GIGYF2: variants seen among roughly 807,000 people sequenced by gnomAD.
The protein encoded by GIGYF2 is GRB10 interacting GYF protein 2.
Under a neutral mutation model 208.1 loss-of-function variants are expected in GIGYF2, and 25 were observed. The ratio of observed to expected loss-of-function variants is 0.12; its 90% CI spans 0.09 to 0.17. The LOEUF (loss-of-function observed/expected upper bound fraction) is 0.17. Ranked by LOEUF, GIGYF2 falls within the 10% of genes least tolerant of loss-of-function variation. The probability of loss-of-function intolerance (pLI) is 1.00; values close to 1 mark genes in which losing one functional copy is unlikely to be tolerated. For synonymous variants in GIGYF2, 534 were observed against 543.8 expected (o/e 0.98, Z 0.25); for missense variants, 1,302 against 1,579.4 (o/e 0.82, Z 2.98).
chr2:232,706,312 T>C (rs1696106897), intron 2 of GIGYF2, among the ~76,000 whole-genome samples: 1 of 152,148 alleles, frequency 6.6e-6, no homozygotes, highest in Non-Finnish European at 1.5e-5. Flanking sequence ...ATGCAGAGCT[T>C]TGTGAGGTTT....
chr2:232,741,256 A>G (rs1465611190), intron 3 of GIGYF2, among the ~76,000 whole-genome samples: 1 of 152,088 alleles, frequency 6.6e-6, no homozygotes, highest in Non-Finnish European at 1.5e-5. Context: ...ATCTTTGATA[A>G]TTCCTTTTAC....
In GIGYF2 at chr2:232,811,255, C is replaced by A. The variant is rs74560358; in HGVS notation, c.1910C>A (p.Ala637Glu). The A allele has an allele frequency of 1.9e-6, 3 of 1,598,208 alleles. No individual in the cohort carries two copies. Among genetic ancestry groups the A allele is most frequent in the Non-Finnish European group, 2.6e-6 (3 of 1,165,696 alleles). ...YQQFLIQQQY[A>E]QVLAQQQKAA... ...TTTACTTTTTGAAGACAACAATATGCACAGGTTTTGGCCCAACAGCAGAAA... is the reference window on the plus strand; with the variant it reads ...TTTACTTTTTGAAGACAACAATATGAACAGGTTTTGGCCCAACAGCAGAAA... The change falls in exon 17 of 29, where the codon GCA (alanine) becomes GAA (glutamate). Residue 637 changes from alanine to glutamate, a missense_variant. By Grantham distance (107) the Ala-to-Glu change is moderately radical. Around this residue, in one of 8 missense-constraint regions of GIGYF2, gnomAD observed 701 missense variants for 793.0 expected, o/e 0.88. Coordinates refer to ENST00000373563, the MANE Select transcript of GIGYF2 (RefSeq NM_001103146.3).
chr2:232,814,571 C>CA (rs1574915400), intron 18 of GIGYF2, among the ~76,000 whole-genome samples: 1 of 130,650 alleles, frequency 7.7e-6, no homozygotes, highest in African/African-American at 2.7e-5. Context: ...TCAAACCCCC[C>CA]CCCCCCAAAA....
chr2:232,768,440 A>T, intron 8 of GIGYF2: 1 of 1,614,232 alleles, frequency 6.2e-7, no homozygotes, highest in Non-Finnish European at 8.5e-7. Context: ...ATATTTCTCC[A>T]GTGCCCTCCT....
chr2:232,756,778 A>G (rs1698560843), intron 6 of GIGYF2, among the ~76,000 whole-genome samples: 1 of 152,256 alleles, frequency 6.6e-6, no homozygotes, highest in Non-Finnish European at 1.5e-5. Flanking sequence ...CATCAGGACT[A>G]GGACATTTAG....
intron 13 of GIGYF2, among the ~76,000 whole-genome samples, chr2:232,795,721 G>T (rs1043750784): frequency 2.0e-5 from 3 of 152,084 alleles, no homozygotes; most frequent in Non-Finnish European, 2.9e-5. Context: ...AACGTGATGA[G>T]ATCTCATCTC....
intron 21 of GIGYF2, among the ~76,000 whole-genome samples, chr2:232,828,358 A>T (rs1701313499): frequency 6.6e-6 from 1 of 151,640 alleles, no homozygotes; most frequent in South Asian, 2.1e-4. Flanking sequence ...CCCAATTTTT[A>T]AAAATTTATT....
intron 3 of GIGYF2, among the ~76,000 whole-genome samples, chr2:232,743,288 G>A (rs1352930479): frequency 3.3e-5 from 5 of 152,186 alleles, no homozygotes; most frequent in Non-Finnish European, 5.9e-5. Context: ...ACAGTGCATA[G>A]CTAGAAGGGA....
intron 8 of GIGYF2, among the ~76,000 whole-genome samples, chr2:232,785,522 A>G (rs1699882560): frequency 6.6e-6 from 1 of 152,212 alleles, no homozygotes; most frequent in Non-Finnish European, 1.5e-5. Flanking sequence ...AGTGTCCAAG[A>G]TGGAAACTAC....
chr2:232,846,590 A>G (rs1043419547), intron 26 of GIGYF2, among the ~76,000 whole-genome samples: 8 of 152,242 alleles, frequency 5.3e-5, no homozygotes, highest in African/African-American at 1.9e-4. Flanking sequence ...GCAGCAGTGT[A>G]ACAATATCTA....
chr2:232,856,497 C>T (rs1028179036), intron 28 of GIGYF2, among the ~76,000 whole-genome samples: 2 of 152,002 alleles, frequency 1.3e-5, no homozygotes, highest in Admixed American at 1.3e-4. Flanking sequence ...CAAGACCAGA[C>T]TGGCCAACAT....
chr2:232,772,684 G>C (rs574890046), intron 8 of GIGYF2, among the ~76,000 whole-genome samples: 1 of 152,280 alleles, frequency 6.6e-6, no homozygotes, highest in South Asian at 2.1e-4. Flanking sequence ...TGCTTCCCTT[G>C]AGTGAGCCTC....
In GIGYF2 at chr2:232,836,282, A is replaced by AC. The variant is rs1319899352; in HGVS notation, c.2766+3189_2766+3190insC. Among the ~76,000 whole-genome samples the AC allele has an allele frequency of 2.3e-3, 16 of 6,822 alleles. 1 individual carries two copies. The highest frequency in any genetic ancestry group is 0.01 in the African/African-American group (15 of 1,434). The allele number at this position is 6,822 out of a possible 152,430, so 4.5% of individuals were successfully genotyped here. A position where few individuals can be genotyped will look rare whatever the true frequency, so the allele number is the denominator to read the frequency against. On this transcript the variant is annotated intron_variant, in intron 22 of 28. Transcript: ENST00000373563. ...TCTCTACATATATATATATATATATATATATATATATATATATATATATAT... is the reference window on the plus strand; with the variant it reads ...TCTCTACATATATATATATATATATACTATATATATATATATATATATATAT...
intron 21 of GIGYF2, 131 bp downstream of exon 21, chr2:232,820,116 A>G (rs1268084049): frequency 2.3e-6 from 2 of 858,848 alleles, no homozygotes; most frequent in Non-Finnish European, 3.8e-6. Context: ...AAGAAACCTA[A>G]CTGGCTCTTA....
intron 2 of GIGYF2, among the ~76,000 whole-genome samples, chr2:232,713,988 C>T (rs1001926259): frequency 1.8e-4 from 27 of 146,510 alleles, no homozygotes; most frequent in Admixed American, 6.9e-4. Context: ...CTCGCTCTGT[C>T]ACCCAGGCTG....
intron 2 of GIGYF2, among the ~76,000 whole-genome samples, chr2:232,710,704 T>C (rs1009282886): frequency 2.0e-5 from 3 of 150,452 alleles, no homozygotes; most frequent in Non-Finnish European, 4.4e-5. Context: ...TTTTTTTTTT[T>C]TTTTTTTTCT....
chr2:232,787,338 TC>T lies in GIGYF2; in HGVS notation c.712+10del. On this transcript the variant is annotated intron_variant, in intron 9 of 28. Transcript: ENST00000373563. ...GCGACCTCACAGTCCTGGTAAGAAT[TC>T]TGTTGAGTAAAGGCACACAGGGACT... 1 of 1,612,172 alleles carries T rather than the reference TC, an allele frequency of 6.2e-7. No individual in the cohort carries two copies. Among genetic ancestry groups the T allele is most frequent in the Non-Finnish European group, 8.5e-7 (1 of 1,178,336 alleles).
At chr2:232,704,850 T>A (rs2106244851) in intron 2 of GIGYF2, among the ~76,000 whole-genome samples, 1 of 129,372 alleles carries the variant, frequency 7.7e-6, no homozygotes, top group East Asian at 2.2e-4. Flanking sequence ...AAATTTTAAC[T>A]TCTGGATTTT....
chr2:232,791,425 A>G lies in GIGYF2; in HGVS notation c.1261A>G (p.Lys421Glu). Reference protein sequence around the residue: ...ETRMENSLPAKVPSRGDEMVA... With the variant: ...ETRMENSLPAEVPSRGDEMVA... ...TCGGATGGAAAATAGTCTACCAGCCAAAGTGCCCAGCAGAGGGGATGGTAT... is the reference window on the plus strand; with the variant it reads ...TCGGATGGAAAATAGTCTACCAGCCGAAGTGCCCAGCAGAGGGGATGGTAT... The change falls in exon 12 of 29, where the codon AAA (lysine) becomes GAA (glutamate). Residue 421 changes from lysine (K) to glutamate (E), a missense_variant. Physicochemically the swap from Lys to Glu is moderately conservative, Grantham distance 56. Transcript: ENST00000373563. 6.2e-7 allele frequency: 1 copy of G among 1,613,946 alleles called. No individual in the cohort carries two copies. Among genetic ancestry groups the G allele is most frequent in the Non-Finnish European group, 8.5e-7 (1 of 1,179,924 alleles).
Sources: allele counts gnomAD v4.1 joint callset (sites outside exome capture counted in the v4.1 genomes callset), GRCh38; gene constraint gnomAD v4.1.1; regional missense constraint gnomAD v4.1.1; transcripts MANE v1.5; gene names NCBI Gene and HGNC (gene_info 2026-07-23, HGNC 2026-07-21).